Variants in C3orf20 observed in about 807,000 individuals in gnomAD.
C3orf20 encodes family with sequence similarity 149 member C.
In C3orf20, 76 loss-of-function variants were observed where a neutral mutation model predicts 88.3. The ratio of observed to expected loss-of-function variants is 0.86; its 90% CI spans 0.72 to 1.04. The LOEUF is 1.04. C3orf20 is among the 50% of genes least tolerant of loss of function. C3orf20 has a pLI of 0.00. For missense variants in C3orf20, 1,056 were observed against 1,123.3 expected, an observed-to-expected ratio of 0.94 and a Z score of 0.86; for synonymous variants, 436 against 437.4, an observed-to-expected ratio of 1.00 and a Z score of 0.04.
intron 7 of C3orf20, among the ~76,000 whole-genome samples, chr3:14,711,141 A>G (rs4684238): frequency 0.86 from 130,445 of 152,136 alleles, 56,028 homozygotes; most frequent in Non-Finnish European, 0.89. Flanking sequence ...CAGGTGATCC[A>G]TCCGCCTTGG....
At chr3:14,765,797 T>G (rs1225974669) in intron 15 of C3orf20, among the ~76,000 whole-genome samples, 1 of 152,188 alleles carries the variant, frequency 6.6e-6, no homozygotes, top group Non-Finnish European at 1.5e-5. Flanking sequence ...GTTCTCAATG[T>G]GGGCCTGGAA....
intron 6 of C3orf20, 41 bp downstream of exon 6, chr3:14,703,303 T>G (rs930405645): frequency 6.2e-7 from 1 of 1,611,588 alleles, no homozygotes; most frequent in Middle Eastern, 1.8e-4. Flanking sequence ...TCAAGGGTTC[T>G]CAGAAAGCCT....
chr3:14,684,795 T>C (rs2032308829), intron 4 of C3orf20, among the ~76,000 whole-genome samples: 1 of 152,236 alleles, frequency 6.6e-6, no homozygotes, highest in Admixed American at 6.5e-5. Context: ...TGTGCTCACC[T>C]GGTCATGGCC....
At chr3:14,754,556 C>T (rs2035308816) in intron 12 of C3orf20, among the ~76,000 whole-genome samples, 1 of 152,164 alleles carries the variant, frequency 6.6e-6, no homozygotes, top group African/African-American at 2.4e-5. Flanking sequence ...CTGGTTGTTG[C>T]AAGTTTTTTC....
intron 1 of C3orf20, among the ~76,000 whole-genome samples, chr3:14,678,805 C>A (rs2031928503): frequency 6.6e-6 from 1 of 152,170 alleles, no homozygotes; most frequent in African/African-American, 2.4e-5. Context: ...CCCCTGCCCT[C>A]CAATTGCAGA....
chr3:14,728,091 C>G (rs6771179), intron 11 of C3orf20, among the ~76,000 whole-genome samples: 65,336 of 152,094 alleles, frequency 0.43, 14,412 homozygotes, highest in Non-Finnish European at 0.47. Flanking sequence ...GAACAGCATT[C>G]TCAAGGAAGG....
At position 14,757,351 on chromosome 3, in the gene C3orf20, C is replaced by T; in HGVS notation, c.1941-20C>T. ...TCACCACCTTCTGAGGGTCCCTGTG[C>T]ACTGTGCTCCTCCTTGCAGAGGGAA... On this transcript the variant is annotated intron_variant, in intron 12 of 16. Coordinates refer to ENST00000253697, the MANE Select transcript of C3orf20 (RefSeq NM_032137.5). 14 of 1,602,100 alleles carry T rather than the reference C, an allele frequency of 8.7e-6. No homozygotes were observed. Among genetic ancestry groups the T allele is most frequent in the Non-Finnish European group, 1.1e-5 (13 of 1,174,094 alleles).
chr3:14,753,791 C>G (rs1002182418), intron 12 of C3orf20, among the ~76,000 whole-genome samples: 1 of 152,122 alleles, frequency 6.6e-6, no homozygotes, highest in Non-Finnish European at 1.5e-5. Context: ...AAAGACTGTA[C>G]CATTTGTAAT....
At chr3:14,703,468 C>T (rs2033363438) in intron 6 of C3orf20, among the ~76,000 whole-genome samples, 1 of 152,232 alleles carries the variant, frequency 6.6e-6, no homozygotes. Context: ...TCCTTCCCTG[C>T]TCACCACCCT....
intron 12 of C3orf20, among the ~76,000 whole-genome samples, chr3:14,735,933 C>T (rs1049502998): frequency 6.6e-6 from 1 of 152,066 alleles, no homozygotes; most frequent in Non-Finnish European, 1.5e-5. Flanking sequence ...TTTAGATTTG[C>T]CCACATATTT....
At chr3:14,696,377 T>TATTATTATC (rs1343185433) in intron 5 of C3orf20, among the ~76,000 whole-genome samples, 2 of 146,640 alleles carry the variant, frequency 1.4e-5, no homozygotes, top group Non-Finnish European at 3.0e-5. Flanking sequence ...CTATCATTAT[T>TATTATTATC]ATTATTATTA....
At chr3:14,751,736 T>A (rs1378015039) in intron 12 of C3orf20, among the ~76,000 whole-genome samples, 4 of 152,062 alleles carry the variant, frequency 2.6e-5, no homozygotes, top group Non-Finnish European at 5.9e-5. Context: ...TCACAATTAC[T>A]ACCAAGAGAA....
chr3:14,750,554 T>TAAA (rs3038830), intron 12 of C3orf20, among the ~76,000 whole-genome samples: 29 of 142,534 alleles, frequency 2.0e-4, no homozygotes, highest in African/African-American at 7.2e-4. Flanking sequence ...GACCCTGTCT[T>TAAA]AAAAAAAAAA....
At chr3:14,713,590 C>T (rs899672274) in intron 7 of C3orf20, among the ~76,000 whole-genome samples, 2 of 152,220 alleles carry the variant, frequency 1.3e-5, no homozygotes, top group African/African-American at 4.8e-5. Flanking sequence ...AATCCTGGCT[C>T]TAGCCACTTC....
At chr3:14,685,483 T>C (rs1339671482) in intron 4 of C3orf20, among the ~76,000 whole-genome samples, 2 of 145,116 alleles carry the variant, frequency 1.4e-5, no homozygotes, top group East Asian at 4.1e-4. Flanking sequence ...TCTCTCTCTG[T>C]GCGTGCGTGC....
At chr3:14,712,164 G>A (rs12106797) in intron 7 of C3orf20, among the ~76,000 whole-genome samples, 6 of 103,034 alleles carry the variant, frequency 5.8e-5, no homozygotes, top group Middle Eastern at 4.8e-3. Context: ...ACACACACAC[G>A]CACACACACG....
In C3orf20 at chr3:14,772,295, G is replaced by C; in HGVS notation, c.2630+94G>C. ...TGGGCAAGTCACTACCCCCAGGCGTGGCCTGGGTCATGTCCAACCATCGCT... is the reference window on the plus strand; with the variant it reads ...TGGGCAAGTCACTACCCCCAGGCGTCGCCTGGGTCATGTCCAACCATCGCT... On this transcript the variant is annotated intron_variant, in intron 16 of 16. Transcript: ENST00000253697. The surrounding 1 kb of genome is among the most constrained non-coding windows in gnomAD (Gnocchi z 4.2). 1 of 1,493,640 alleles carries C rather than the reference G, an allele frequency of 6.7e-7. No homozygotes were observed. The highest frequency in any genetic ancestry group is 9.2e-7 in the Non-Finnish European group (1 of 1,082,482). 92.5% of individuals were successfully genotyped at this position (1,493,640 alleles called of 1,614,324 possible).
rs192807509 is a variant in C3orf20, at chr3:14,712,122, A to G, written c.1161-1885A>G. On this transcript the variant is annotated intron_variant, in intron 7 of 16. Coordinates refer to ENST00000253697, the MANE Select transcript of C3orf20 (RefSeq NM_032137.5). Reference sequence around the variant, plus strand: ...TATTCTTGGGGTGGGCCCTACTGCAATGACTGGTGTCCTTATAAGAAGAGA... The same window carrying G: ...TATTCTTGGGGTGGGCCCTACTGCAGTGACTGGTGTCCTTATAAGAAGAGA... Among the ~76,000 whole-genome samples, 23 of 152,078 alleles carry G rather than the reference A, an allele frequency of 1.5e-4. 1 individual carries two copies. Among genetic ancestry groups the G allele is most frequent in the African/African-American group, 5.1e-4 (21 of 41,470 alleles).
intron 12 of C3orf20, among the ~76,000 whole-genome samples, chr3:14,755,787 T>A (rs946313617): frequency 1.3e-5 from 2 of 152,080 alleles, no homozygotes; most frequent in African/African-American, 4.8e-5. Context: ...CCCAGCACTT[T>A]GGGAGGCCGA....
Sources: gnomAD v4.1 joint callset for allele counts (sites outside exome capture counted in the v4.1 genomes callset) on GRCh38, gnomAD v4.1.1 for gene constraint, Gnocchi (gnomAD v3.1) non-coding constraint, MANE v1.5 for transcripts, NCBI Gene and HGNC (gene_info 2026-07-23, HGNC 2026-07-21) for gene names.